HADH: variants seen among roughly 807,000 people sequenced by gnomAD.
HADH encodes hydroxyacyl-CoA dehydrogenase, also known as hydroxyacyl-coenzyme A dehydrogenase, mitochondrial.
In HADH, 24 loss-of-function variants were observed where a neutral mutation model predicts 32.2. The observed-to-expected ratio is 0.75, with a 90% CI of 0.54 to 1.05. The LOEUF (loss-of-function observed/expected upper bound fraction) is 1.05. Among genes scored for constraint, HADH ranks in the 50% least tolerant of loss-of-function variants. The pLI, the probability that HADH is intolerant of heterozygous loss-of-function variation, is 0.00. For missense variants in HADH, 350 were observed against 397.1 expected (o/e 0.88, Z 1.01); for synonymous variants, 139 against 152.5 (o/e 0.91, Z 0.65).
At chr4:108,019,229 C>A in intron 3 of HADH, among the ~76,000 whole-genome samples, 1 of 152,016 alleles carries the variant, frequency 6.6e-6, no homozygotes, top group Non-Finnish European at 1.5e-5. Flanking sequence ...ATCTCACATA[C>A]CTTGGAAGTT....
chr4:108,003,418 T>A (rs1221834506), intron 1 of HADH, among the ~76,000 whole-genome samples: 2 of 152,148 alleles, frequency 1.3e-5, no homozygotes, highest in African/African-American at 4.8e-5. Flanking sequence ...CTCAATACTA[T>A]CATATTGGCA....
intron 5 of HADH, chr4:108,026,256 G>C (rs1013871477): frequency 6.6e-6 from 1 of 152,144 alleles, no homozygotes; most frequent in Non-Finnish European, 1.5e-5. Flanking sequence ...GGCCAGGCTG[G>C]TCTTGAACTC....
chr4:108,014,452 A>G lies in HADH; in HGVS notation c.283A>G (p.Lys95Glu), dbSNP rs536173298. 34 of 1,614,078 alleles carry G rather than the reference A, an allele frequency of 2.1e-5. No individual in the cohort carries two copies. The highest frequency in any genetic ancestry group is 8.0e-5 in the African/African-American group (6 of 75,012). The change falls in exon 3 of 8, where the codon AAG becomes GAG. Residue 95 changes from lysine to glutamate, a missense_variant. Lys to Glu is a moderately conservative substitution (Grantham distance 56). Coordinates refer to ENST00000309522, the MANE Select transcript of HADH (RefSeq NM_005327.7). ...NLKAGDEFVE[K>E]TLSTIATSTD... The stretch of plus-strand genomic sequence containing the variant: ...TTAGGCCGGCGATGAATTTGTGGAG[A>G]AGACCCTGAGCACCATAGCGACCAG...
At chr4:108,002,358 G>T (rs567212272) in intron 1 of HADH, among the ~76,000 whole-genome samples, 77 of 152,308 alleles carry the variant, frequency 5.1e-4, no homozygotes, top group Admixed American at 4.4e-3. Flanking sequence ...AACTGTGCAT[G>T]TGAGGGATCT....
chr4:108,021,574 G>A lies in HADH; in HGVS notation c.547-1900G>A, dbSNP rs545932133. On this transcript the variant is annotated intron_variant, in intron 4 of 7. Coordinates refer to ENST00000309522, the MANE Select transcript of HADH (RefSeq NM_005327.7). ...AGACTCTGTTGGAACTAGGAGCAGC[G>A]TATCTGTACAAATTACTGTTCGTTG... is the stretch of plus-strand genomic sequence containing the variant. Among the ~76,000 whole-genome samples, 10 of 152,182 alleles carry A rather than the reference G, an allele frequency of 6.6e-5. No homozygotes were observed. In the East Asian group the frequency reaches 1.2e-3, roughly 18 times the overall value.
chr4:108,008,273 C>T (rs142633970), intron 1 of HADH, among the ~76,000 whole-genome samples: 52 of 152,248 alleles, frequency 3.4e-4, no homozygotes, highest in African/African-American at 1.0e-3. Flanking sequence ...CACGTTGCCC[C>T]GGTTGCCCAG....
intron 1 of HADH, among the ~76,000 whole-genome samples, chr4:108,006,503 C>G (rs1735297821): frequency 6.6e-6 from 1 of 152,106 alleles, no homozygotes; most frequent in South Asian, 2.1e-4. Context: ...CTAATCTGTG[C>G]CAGATCAGAG....
intron 6 of HADH, chr4:108,030,718 T>A (rs10488943): frequency 6.6e-6 from 1 of 152,092 alleles, no homozygotes; most frequent in Non-Finnish European, 1.5e-5. Context: ...AGAATTTGGG[T>A]TATATGTGCA....
At chr4:107,998,695 G>A (rs1208174520) in intron 1 of HADH, among the ~76,000 whole-genome samples, 1 of 152,140 alleles carries the variant, frequency 6.6e-6, no homozygotes, top group Non-Finnish European at 1.5e-5. Context: ...AGACTGTCAT[G>A]CATGAGGCAA....
intron 4 of HADH, 111 bp downstream of exon 4, chr4:108,019,777 G>A (rs1735822817): frequency 1.4e-5 from 17 of 1,236,178 alleles, no homozygotes; most frequent in Admixed American, 1.7e-5. Flanking sequence ...GTTTTAACCT[G>A]AGGGTAGAAG....
At chr4:108,004,935 T>C (rs1258086300) in intron 1 of HADH, 2 of 1,520,590 alleles carry the variant, frequency 1.3e-6, no homozygotes, top group South Asian at 2.4e-5. Flanking sequence ...GACCCTAAAC[T>C]AGTATTCAGG....
chr4:107,998,730 GT>G lies in HADH; in HGVS notation c.132+8675del, dbSNP rs946710486. Among the ~76,000 whole-genome samples, 4 of 150,656 alleles carry G rather than the reference GT, an allele frequency of 2.7e-5. No individual in the cohort carries two copies. In the South Asian group the frequency reaches 6.4e-4, roughly 24 times the overall value. On this transcript the variant is annotated intron_variant, in intron 1 of 7. Transcript: ENST00000309522. ...ATAGTTGTGTTCTTTTTGTTTTTTTGTTTTTTTTTCTTAGTAATAGCCATCC... is the reference window on the plus strand; with the variant it reads ...ATAGTTGTGTTCTTTTTGTTTTTTTGTTTTTTTTCTTAGTAATAGCCATCC...
At chr4:108,014,349 C>G in intron 2 of HADH, 82 bp from the exon 3 acceptor site, 1 of 1,525,220 alleles carries the variant, frequency 6.6e-7, no homozygotes, top group Non-Finnish European at 9.1e-7. Context: ...ACCCAGTTTG[C>G]TAACTGGAGC....
intron 1 of HADH, among the ~76,000 whole-genome samples, chr4:107,995,262 T>C (rs7667856): frequency 0.24 from 37,233 of 152,076 alleles, 7,119 homozygotes; most frequent in African/African-American, 0.54. Flanking sequence ...TTAGGAACCT[T>C]GGGCAAATCA....
chr4:108,027,520 T>C, intron 5 of HADH, 168 bp from the exon 6 acceptor site: 2 of 683,026 alleles, frequency 2.9e-6, no homozygotes, highest in Non-Finnish European at 5.3e-6. Context: ...GTTGGATAAA[T>C]TGTCATATGA....
chr4:107,990,191 CG>C, intron 1 of HADH, 127 bp downstream of exon 1: 1 of 964,364 alleles, frequency 1.0e-6, no homozygotes, highest in Non-Finnish European at 1.5e-6. Context: ...CCGCGCCTCC[CG>C]GGTGTAGTTG....
At chr4:107,992,813 C>T (rs1222567601) in intron 1 of HADH, among the ~76,000 whole-genome samples, 1 of 152,134 alleles carries the variant, frequency 6.6e-6, no homozygotes, top group African/African-American at 2.4e-5. Context: ...AAGTTAGCTG[C>T]CTTTATAATA....
intron 6 of HADH, chr4:108,032,812 T>A (rs2126241473): frequency 2.9e-6 from 1 of 339,826 alleles, no homozygotes; most frequent in South Asian, 2.8e-5. Context: ...TGAAACCCTA[T>A]CTCTACTAAA....
At chr4:108,016,555 C>T (rs1217679797) in intron 3 of HADH, among the ~76,000 whole-genome samples, 1 of 152,180 alleles carries the variant, frequency 6.6e-6, no homozygotes, top group African/African-American at 2.4e-5. Context: ...AATAAACAGC[C>T]ACCCCAAAAA....
Sources: gnomAD v4.1 joint callset for allele counts (sites outside exome capture counted in the v4.1 genomes callset) on GRCh38, gnomAD v4.1.1 for gene constraint, MANE v1.5 for transcripts, NCBI Gene and HGNC (gene_info 2026-07-23, HGNC 2026-07-21) for gene names.